GALNT11: variants seen among roughly 807,000 people sequenced by gnomAD.
The protein encoded by GALNT11 is UDP-GalNAc:polypeptide N-acetylgalactosaminyltransferase 11.
Under a neutral mutation model 72.7 loss-of-function variants are expected in GALNT11, and 47 were observed. That is an observed-to-expected ratio of 0.65 (90% CI 0.51 to 0.82). GALNT11 has a LOEUF of 0.82. Among genes scored for constraint, GALNT11 ranks in the 40% least tolerant of loss-of-function variants. The pLI is 0.00. For missense variants in GALNT11, 677 were observed against 778.4 expected, an observed-to-expected ratio of 0.87 and a Z score of 1.55; for synonymous variants, 270 against 286.6, an observed-to-expected ratio of 0.94 and a Z score of 0.58.
At chr7:152,080,103 G>GA (rs1249493442) in intron 1 of GALNT11, among the ~76,000 whole-genome samples, 3 of 152,228 alleles carry the variant, frequency 2.0e-5, no homozygotes, top group Non-Finnish European at 4.4e-5. Context: ...ATTAGATAGT[G>GA]ATTCATAGAG....
chr7:152,099,294 A>G (rs2086602542), intron 2 of GALNT11, among the ~76,000 whole-genome samples: 1 of 152,060 alleles, frequency 6.6e-6, no homozygotes, highest in African/African-American at 2.4e-5. Flanking sequence ...TTCATAAAAC[A>G]TTCACTGTAT....
At chr7:152,121,096 C>T (rs2089385379) in intron 11 of GALNT11, 128 bp downstream of exon 11, 1 of 1,057,884 alleles carries the variant, frequency 9.5e-7, no homozygotes, top group Non-Finnish European at 1.3e-6. Context: ...GTGGTCCCCC[C>T]AGAAACCACA....
At chr7:152,086,900 T>G (rs2085683103) in intron 1 of GALNT11, among the ~76,000 whole-genome samples, 1 of 152,244 alleles carries the variant, frequency 6.6e-6, no homozygotes, top group South Asian at 2.1e-4. Flanking sequence ...GTGCTAGTTT[T>G]TATACTATTG....
intron 1 of GALNT11, among the ~76,000 whole-genome samples, chr7:152,056,840 C>CT (rs879790717): frequency 9.8e-4 from 140 of 142,948 alleles, no homozygotes; most frequent in East Asian, 1.6e-3. Context: ...GGGTCAGATA[C>CT]TTTTTTTTTT....
intron 1 of GALNT11, among the ~76,000 whole-genome samples, chr7:152,031,683 A>G (rs948323437): frequency 3.3e-5 from 5 of 152,198 alleles, no homozygotes; most frequent in Non-Finnish European, 5.9e-5. Context: ...AAGGACTCCA[A>G]GAGCTATCCC....
intron 1 of GALNT11, among the ~76,000 whole-genome samples, chr7:152,032,163 A>C (rs562447096): frequency 8.5e-5 from 13 of 152,290 alleles, no homozygotes; most frequent in African/African-American, 2.9e-4. Flanking sequence ...TCATCCACAT[A>C]CTGAAGGACC....
chr7:152,097,481 C>T (rs891746031), intron 2 of GALNT11, among the ~76,000 whole-genome samples: 3 of 152,166 alleles, frequency 2.0e-5, no homozygotes, highest in African/African-American at 7.2e-5. Context: ...TCATATAACC[C>T]AGCAATACCA....
chr7:152,091,397 C>T (rs1373473668), intron 1 of GALNT11, among the ~76,000 whole-genome samples: 1 of 152,058 alleles, frequency 6.6e-6, no homozygotes, highest in African/African-American at 2.4e-5. Flanking sequence ...TGCGCCGCCA[C>T]GTCCCGCTAA....
intron 1 of GALNT11, among the ~76,000 whole-genome samples, chr7:152,052,845 T>C (rs1356027713): frequency 6.6e-6 from 1 of 152,242 alleles, no homozygotes; most frequent in Non-Finnish European, 1.5e-5. Flanking sequence ...TCCATATCAG[T>C]GTTCTCTCAA....
At chr7:152,121,054 C>A in intron 11 of GALNT11, 86 bp downstream of exon 11, 1 of 1,498,616 alleles carries the variant, frequency 6.7e-7, no homozygotes, top group Non-Finnish European at 9.0e-7. Flanking sequence ...TCATTTTCTA[C>A]CTTGGGGGTG....
intron 8 of GALNT11, 106 bp from the exon 9 acceptor site, chr7:152,117,051 A>G: frequency 1.0e-6 from 1 of 954,642 alleles, no homozygotes; most frequent in Non-Finnish European, 1.6e-6. Context: ...ACATGTTATT[A>G]TCATTGTTAG....
intron 1 of GALNT11, among the ~76,000 whole-genome samples, chr7:152,051,875 C>T (rs145033705): frequency 2.0e-5 from 3 of 152,246 alleles, no homozygotes; most frequent in African/African-American, 4.8e-5. Context: ...AGTTCTACTG[C>T]GCTTTTTGTT....
At position 152,094,508 on chromosome 7, in the gene GALNT11, T is replaced by C; in HGVS notation, c.281T>C (p.Phe94Ser). 7 of 1,610,182 alleles carry C rather than the reference T, an allele frequency of 4.3e-6. No homozygotes were observed. The highest frequency in any genetic ancestry group is 5.9e-6 in the Non-Finnish European group (7 of 1,177,652). Reference sequence around the variant, plus strand: ...GATCCAGAAGAAGGCCACTTGAAATTCTCTTCTGAATTAGGTAAGTATATG... The same window carrying C: ...GATCCAGAAGAAGGCCACTTGAAATCCTCTTCTGAATTAGGTAAGTATATG... ...VEDPEEGHLK[F>S]SSELGMIFNE... The change falls in exon 2 of 12, where the codon TTC becomes TCC. Residue 94 changes from phenylalanine to serine, a missense_variant. By Grantham distance (155) the Phe-to-Ser change is radical. Coordinates refer to ENST00000430044, the MANE Select transcript of GALNT11 (RefSeq NM_022087.4). The surrounding 1 kb of genome is among the most constrained non-coding windows in gnomAD (Gnocchi z 4.3).
intron 1 of GALNT11, chr7:152,074,339 A>G (rs2084828355): frequency 6.6e-6 from 1 of 152,140 alleles, no homozygotes; most frequent in South Asian, 2.1e-4. Flanking sequence ...GGCTAGTTTC[A>G]TTCCTCTGCA....
chr7:152,105,919 A>C (rs1178748706), intron 5 of GALNT11, among the ~76,000 whole-genome samples: 2 of 152,180 alleles, frequency 1.3e-5, no homozygotes, highest in Non-Finnish European at 2.9e-5. Flanking sequence ...CTCCGTTGTT[A>C]CTAGTATATT....
chr7:152,084,366 A>G (rs1397976930), intron 1 of GALNT11, among the ~76,000 whole-genome samples: 1 of 139,164 alleles, frequency 7.2e-6, no homozygotes, highest in Admixed American at 7.5e-5. Context: ...CAACAGAGGG[A>G]GACCCTGTCT....
intron 1 of GALNT11, among the ~76,000 whole-genome samples, chr7:152,080,783 G>A (rs970746166): frequency 2.6e-5 from 4 of 151,556 alleles, no homozygotes; most frequent in Non-Finnish European, 4.4e-5. Flanking sequence ...CCAACATGGC[G>A]AAACCCCATC....
intron 1 of GALNT11, among the ~76,000 whole-genome samples, chr7:152,076,061 C>CAAAAA (rs71198757): frequency 3.6e-4 from 26 of 71,322 alleles, no homozygotes; most frequent in Admixed American, 9.1e-4. Flanking sequence ...GACTCCGTCT[C>CAAAAA]AAAAAAAAAA....
At chr7:152,070,287 C>T (rs141220360) in intron 1 of GALNT11, among the ~76,000 whole-genome samples, 32 of 152,242 alleles carry the variant, frequency 2.1e-4, no homozygotes, top group Admixed American at 3.9e-4. Context: ...TGAGCCACCG[C>T]GCCTGGCCTT....
Sources: allele counts gnomAD v4.1 joint callset (sites outside exome capture counted in the v4.1 genomes callset), GRCh38; gene constraint gnomAD v4.1.1; non-coding constraint Gnocchi (gnomAD v3.1); transcripts MANE v1.5; gene names NCBI Gene and HGNC (gene_info 2026-07-23, HGNC 2026-07-21).